Variants in TRDN observed in about 807,000 individuals in gnomAD.
TRDN encodes triadin, also known as triadin in skeletal muscle.
A neutral mutation model predicts 149.7 loss-of-function variants in TRDN; 161 were observed. The ratio of observed to expected loss-of-function variants is 1.08; its 90% CI spans 0.95 to 1.23. The LOEUF is 1.23. Ranked by LOEUF, TRDN falls within the 50% of genes most tolerant of loss-of-function variation. The probability of loss-of-function intolerance (pLI) is 0.00; values close to 1 mark genes in which losing one functional copy is unlikely to be tolerated. For missense variants in TRDN, 896 were observed against 823.5 expected (o/e 1.09, Z -1.08); for synonymous variants, 294 against 250.5 (o/e 1.17, Z -1.64).
intron 12 of TRDN, among the ~76,000 whole-genome samples, chr6:123,416,226 A>T (rs558655332): frequency 1.9e-4 from 29 of 152,276 alleles, no homozygotes; most frequent in Admixed American, 1.7e-3. Context: ...GCTTAAAATG[A>T]TCTGTACTCA....
At chr6:123,312,871 A>T (rs1215906268) in intron 24 of TRDN, among the ~76,000 whole-genome samples, 1 of 151,786 alleles carries the variant, frequency 6.6e-6, no homozygotes. Flanking sequence ...ATATCTTACC[A>T]CTTGTTTGTA....
At chr6:123,242,703 T>C (rs1776034516) in intron 38 of TRDN, among the ~76,000 whole-genome samples, 1 of 152,090 alleles carries the variant, frequency 6.6e-6, no homozygotes, top group South Asian at 2.1e-4. Flanking sequence ...TAGCAGTCTG[T>C]CTGGCTGTGA....
At position 123,636,736 on chromosome 6, in the gene TRDN, G is replaced by A. The variant is rs549609889; in HGVS notation, c.22+18C>T. On this transcript the variant is annotated intron_variant, in intron 1 of 40. Transcript: ENST00000334268. ...TTTTTTTTCCTTACTTGATACTATCGGAAAATGGTAGCAATACCTTCAGCA... is the reference window on the plus strand; with the variant it reads ...TTTTTTTTCCTTACTTGATACTATCAGAAAATGGTAGCAATACCTTCAGCA... 8 of 1,610,510 alleles carry A rather than the reference G, an allele frequency of 5.0e-6. No individual in the cohort carries two copies. The African/African-American group carries it at 5.4e-5, about 11-fold the overall frequency.
intron 12 of TRDN, among the ~76,000 whole-genome samples, chr6:123,424,432 C>T (rs1178480094): frequency 6.6e-6 from 1 of 151,876 alleles, no homozygotes; most frequent in African/African-American, 2.4e-5. Context: ...TTTTCATAGG[C>T]CCTCTATAAA....
rs201544606 is a variant in TRDN at position 123,260,644 on chromosome 6, G to A, written c.1805-6C>T. 30,907 of 1,060,078 alleles carry A rather than the reference G, an allele frequency of 0.029. No individual in the cohort carries two copies. Among genetic ancestry groups the A allele is most frequent in the South Asian group, 0.055 (2,692 of 49,056 alleles). The allele number at this position is 1,060,078 out of a possible 1,614,324, so 65.7% of individuals were successfully genotyped here. A position where few individuals can be genotyped will look rare whatever the true frequency, so the allele number is the denominator to read the frequency against. On this transcript the variant is annotated splice_region_variant and splice_polypyrimidine_tract_variant and intron_variant, in intron 33 of 40. Coordinates refer to ENST00000334268, the MANE Select transcript of TRDN (RefSeq NM_006073.4). ...TGTGACTTCTGATGTTCCTTCTTTA[G>A]AAAAAAAAAAAAAAAGAATGTAGAA...
chr6:123,371,336 T>C (rs1019082565), intron 19 of TRDN, among the ~76,000 whole-genome samples: 2 of 152,192 alleles, frequency 1.3e-5, no homozygotes, highest in Non-Finnish European at 2.9e-5. Flanking sequence ...AAATGGCTGC[T>C]TTTTCTTATG....
chr6:123,345,942 T>C (rs548768941), intron 21 of TRDN, among the ~76,000 whole-genome samples: 3 of 152,190 alleles, frequency 2.0e-5, no homozygotes, highest in Non-Finnish European at 2.9e-5. Flanking sequence ...CAGGAAGTTT[T>C]TGGAATTTTC....
intron 24 of TRDN, among the ~76,000 whole-genome samples, chr6:123,298,065 A>G (rs1357191359): frequency 1.3e-5 from 2 of 152,082 alleles, no homozygotes; most frequent in Non-Finnish European, 2.9e-5. Context: ...AATCCATGAA[A>G]TTAAAAAACA....
chr6:123,630,632 G>A (rs926179458), intron 1 of TRDN, among the ~76,000 whole-genome samples: 10 of 151,652 alleles, frequency 6.6e-5, no homozygotes, highest in African/African-American at 1.2e-4. Flanking sequence ...GCTCATAAAC[G>A]GAACATTTTC....
At chr6:123,443,588 C>G (rs141667905) in intron 10 of TRDN, among the ~76,000 whole-genome samples, 1 of 152,028 alleles carries the variant, frequency 6.6e-6, no homozygotes, top group African/African-American at 2.4e-5. Flanking sequence ...GTCAGGAGAT[C>G]GAGACCATCC....
At chr6:123,542,767 T>C (rs1780901768) in intron 4 of TRDN, among the ~76,000 whole-genome samples, 1 of 152,088 alleles carries the variant, frequency 6.6e-6, no homozygotes, top group Admixed American at 6.6e-5. Flanking sequence ...AAAAAACATA[T>C]ATTTTTTAAC....
intron 10 of TRDN, chr6:123,464,398 G>A (rs1471521792): frequency 5.2e-6 from 5 of 959,616 alleles, no homozygotes; most frequent in African/African-American, 1.8e-5. Context: ...GAGTGTGTGT[G>A]TATATATATA....
At chr6:123,559,141 C>T (rs188953267) in intron 2 of TRDN, among the ~76,000 whole-genome samples, 215 of 152,324 alleles carry the variant, frequency 1.4e-3, no homozygotes, top group Middle Eastern at 6.8e-3. Flanking sequence ...GGCTCCTGGA[C>T]CATCACAGAT....
At chr6:123,473,717 G>A (rs2114744907) in intron 9 of TRDN, among the ~76,000 whole-genome samples, 1 of 151,688 alleles carries the variant, frequency 6.6e-6, no homozygotes, top group East Asian at 2.0e-4. Context: ...ACCCTCAAAG[G>A]GAAGCCCATC....
At chr6:123,550,270 C>G (rs753580661) in intron 2 of TRDN, among the ~76,000 whole-genome samples, 13 of 151,828 alleles carry the variant, frequency 8.6e-5, no homozygotes, top group African/African-American at 1.7e-4. Flanking sequence ...GGGGAGATGA[C>G]AGAGAGAGTG....
At chr6:123,220,430 G>T (rs899665158) in intron 40 of TRDN, among the ~76,000 whole-genome samples, 3 of 151,794 alleles carry the variant, frequency 2.0e-5, no homozygotes, top group Non-Finnish European at 4.4e-5. Context: ...TAATAATTGG[G>T]AAAGCGTTGC....
Position 123,464,888 on chromosome 6 carries a change from A to G in TRDN, c.931+18T>C. 2 of 1,492,354 alleles carry G rather than the reference A, an allele frequency of 1.3e-6. No homozygotes were observed. Among genetic ancestry groups the G allele is most frequent in the Non-Finnish European group, 1.8e-6 (2 of 1,106,846 alleles). 92.4% of individuals were successfully genotyped at this position (1,492,354 alleles called of 1,614,324 possible). A position where few individuals can be genotyped will look rare whatever the true frequency, so the allele number is the denominator to read the frequency against. ...TTTATCTACAATAGAGATCTTTAAG[A>G]AAAAAAAAAGTACTTGCCTTCAAGG... On this transcript the variant is annotated intron_variant, in intron 10 of 40. Coordinates refer to ENST00000334268, the MANE Select transcript of TRDN (RefSeq NM_006073.4).
intron 24 of TRDN, among the ~76,000 whole-genome samples, chr6:123,301,772 T>TATATAC (rs1778430785): frequency 6.2e-4 from 77 of 124,736 alleles, no homozygotes; most frequent in Middle Eastern, 3.9e-3. Flanking sequence ...TATATATACA[T>TATATAC]ATATATATAT....
chr6:123,445,280 A>C (rs908286235), intron 10 of TRDN: 2 of 151,602 alleles, frequency 1.3e-5, no homozygotes, highest in Non-Finnish European at 2.9e-5. Flanking sequence ...AACCATAAAA[A>C]CCCTAGAAGA....
Sources: allele counts gnomAD v4.1 joint callset (sites outside exome capture counted in the v4.1 genomes callset), GRCh38; gene constraint gnomAD v4.1.1; transcripts MANE v1.5; gene names NCBI Gene and HGNC (gene_info 2026-07-23, HGNC 2026-07-21).